The following RORA variants were observed in gnomAD, a reference collection of about 807,000 sequenced individuals.
RORA encodes RAR related orphan receptor A.
RORA carries 7 observed loss-of-function variants against 69.5 expected under a neutral mutation model. That is an observed-to-expected ratio of 0.10 (90% CI 0.06 to 0.19). The LOEUF (loss-of-function observed/expected upper bound fraction) is 0.19. RORA is among the 10% of genes least tolerant of loss of function. RORA has a pLI of 1.00. For missense variants in RORA, 457 were observed against 663.0 expected, an observed-to-expected ratio of 0.69 and a Z score of 3.41; for synonymous variants, 261 against 240.8, an observed-to-expected ratio of 1.08 and a Z score of -0.78.
intron 1 of RORA, among the ~76,000 whole-genome samples, chr15:61,201,204 G>A (rs919446059): frequency 6.6e-6 from 1 of 152,192 alleles, no homozygotes; most frequent in African/African-American, 2.4e-5. Context: ...AGGCCAGGCT[G>A]ACCAATCTTA....
chr15:60,766,536 C>T (rs1366139830), intron 1 of RORA, among the ~76,000 whole-genome samples: 2 of 152,098 alleles, frequency 1.3e-5, no homozygotes, highest in African/African-American at 2.4e-5. Context: ...TTTCAGATGG[C>T]GAGGAGGCAT....
intron 1 of RORA, among the ~76,000 whole-genome samples, chr15:61,033,192 T>C (rs1314699162): frequency 2.6e-5 from 4 of 152,152 alleles, no homozygotes; most frequent in African/African-American, 4.8e-5. Flanking sequence ...CTCCAGTCTA[T>C]GGCTACAAAA....
intron 1 of RORA, among the ~76,000 whole-genome samples, chr15:61,222,294 G>A (rs1285655701): frequency 6.6e-6 from 1 of 152,148 alleles, no homozygotes; most frequent in Admixed American, 6.5e-5. Context: ...CACTGTTAAT[G>A]TGCCATACTA....
chr15:60,685,331 G>A (rs937704932), intron 1 of RORA, among the ~76,000 whole-genome samples: 7 of 152,228 alleles, frequency 4.6e-5, no homozygotes, highest in Non-Finnish European at 1.0e-4. Context: ...ATTGTGAGGC[G>A]CTAGCAGTTA....
intron 1 of RORA, among the ~76,000 whole-genome samples, chr15:60,746,893 T>C (rs1006110347): frequency 6.6e-6 from 1 of 152,244 alleles, no homozygotes; most frequent in African/African-American, 2.4e-5. Flanking sequence ...AGGGACTTCA[T>C]TTCCAGTGGG....
chr15:60,547,829 G>A (rs970719244), intron 2 of RORA: 1 of 152,172 alleles, frequency 6.6e-6, no homozygotes. Flanking sequence ...CAGTGACAGC[G>A]TTATGGGCAC....
intron 2 of RORA, chr15:60,614,953 G>A: frequency 6.2e-7 from 1 of 1,613,976 alleles, no homozygotes; most frequent in Non-Finnish European, 8.5e-7. Context: ...AAAGTTCTTG[G>A]CTGTGGCTCC....
chr15:60,864,785 G>A (rs1036631007), intron 1 of RORA, among the ~76,000 whole-genome samples: 3 of 152,338 alleles, frequency 2.0e-5, no homozygotes, highest in East Asian at 1.9e-4. Flanking sequence ...CCCATGAAGA[G>A]GGTGGGCATC....
At chr15:61,150,654 T>C (rs2079389387) in intron 1 of RORA, among the ~76,000 whole-genome samples, 1 of 152,220 alleles carries the variant, frequency 6.6e-6, no homozygotes, top group South Asian at 2.1e-4. Context: ...AAATGAGGCA[T>C]AGATGACTAA....
At chr15:60,515,933 ATATATTTATATATATTTATATATT>A (rs1430598823) in intron 3 of RORA, among the ~76,000 whole-genome samples, 1 of 17,270 alleles carries the variant, frequency 5.8e-5, no homozygotes, top group African/African-American at 3.2e-4. Context: ...ATATTTATAT[ATATATTTATATATATTTATATATT>A]TATATTTATA....
chr15:60,981,823 A>G (rs1425602802), intron 1 of RORA, among the ~76,000 whole-genome samples: 1 of 131,214 alleles, frequency 7.6e-6, no homozygotes, highest in Non-Finnish European at 1.6e-5. Flanking sequence ...AAAGACAGTT[A>G]CTGTTGATTG....
chr15:61,124,229 G>C (rs2079125504), intron 1 of RORA, among the ~76,000 whole-genome samples: 1 of 152,218 alleles, frequency 6.6e-6, no homozygotes, highest in African/African-American at 2.4e-5. Context: ...TCGGGGCTCA[G>C]GGATAATGCA....
At chr15:60,785,010 T>A (rs1427627110) in intron 1 of RORA, among the ~76,000 whole-genome samples, 2 of 152,152 alleles carry the variant, frequency 1.3e-5, no homozygotes, top group Admixed American at 6.5e-5. Context: ...AACCCAAGGA[T>A]GTGGAAGTCC....
chr15:61,007,366 A>C (rs1381913186), intron 1 of RORA, among the ~76,000 whole-genome samples: 1 of 152,196 alleles, frequency 6.6e-6, no homozygotes, highest in African/African-American at 2.4e-5. Context: ...AATGGAATTG[A>C]TATTGAACCC....
At chr15:60,686,743 T>C (rs1202861645) in intron 1 of RORA, 4 of 152,276 alleles carry the variant, frequency 2.6e-5, no homozygotes, top group African/African-American at 9.7e-5. Flanking sequence ...AAGTGAACTG[T>C]CTGTGGGTGA....
At chr15:61,110,549 A>G (rs911401243) in intron 1 of RORA, among the ~76,000 whole-genome samples, 1 of 152,172 alleles carries the variant, frequency 6.6e-6, no homozygotes, top group African/African-American at 2.4e-5. Flanking sequence ...TAACTATAAA[A>G]CAGCCTCAGG....
At chr15:60,922,495 TACTC>T (rs1331382173) in intron 1 of RORA, among the ~76,000 whole-genome samples, 1 of 152,236 alleles carries the variant, frequency 6.6e-6, no homozygotes, top group Admixed American at 6.5e-5. Context: ...TTTAAGAAGA[TACTC>T]ACATCCATGA....
intron 1 of RORA, among the ~76,000 whole-genome samples, chr15:60,700,490 C>T (rs1377842181): frequency 6.6e-6 from 1 of 152,174 alleles, no homozygotes; most frequent in African/African-American, 2.4e-5. Context: ...TTAACTCATT[C>T]CTCAAAGATA....
At chr15:60,679,882 C>T (rs993798026) in intron 1 of RORA, among the ~76,000 whole-genome samples, 2 of 152,008 alleles carry the variant, frequency 1.3e-5, no homozygotes, top group African/African-American at 4.8e-5. Flanking sequence ...AAATTCTTCT[C>T]CCCGACCCCG....
Sources: gnomAD v4.1 joint callset for allele counts (sites outside exome capture counted in the v4.1 genomes callset) on GRCh38, gnomAD v4.1.1 for gene constraint, MANE v1.5 for transcripts, NCBI Gene and HGNC (gene_info 2026-07-23, HGNC 2026-07-21) for gene names.